The following XPR1 variants were observed in gnomAD, a reference collection of about 807,000 sequenced individuals.
XPR1 encodes xenotropic and polytropic retrovirus receptor 1.
A neutral mutation model predicts 87.5 loss-of-function variants in XPR1; 28 were observed. The ratio of observed to expected loss-of-function variants is 0.32; its 90% CI spans 0.24 to 0.44. XPR1 has a LOEUF of 0.44. Among genes scored for constraint, XPR1 ranks in the 20% least tolerant of loss-of-function variants. XPR1 has a pLI of 1.00. For missense variants in XPR1, 559 were observed against 862.3 expected, an observed-to-expected ratio of 0.65 and a Z score of 4.41; for synonymous variants, 300 against 306.1, an observed-to-expected ratio of 0.98 and a Z score of 0.21.
intron 6 of XPR1, among the ~76,000 whole-genome samples, chr1:180,810,071 T>C (rs1650151787): frequency 6.6e-6 from 1 of 152,168 alleles, no homozygotes; most frequent in South Asian, 2.1e-4. Flanking sequence ...AATATTTAAG[T>C]CTATAAGATT....
intron 1 of XPR1, among the ~76,000 whole-genome samples, chr1:180,652,224 G>A (rs768023599): frequency 9.9e-5 from 15 of 152,014 alleles, no homozygotes; most frequent in East Asian, 1.9e-4. Context: ...CCTGGGAGGC[G>A]GAGGTTGCAG....
chr1:180,857,535 C>T (rs937738360), intron 11 of XPR1, among the ~76,000 whole-genome samples: 1 of 152,092 alleles, frequency 6.6e-6, no homozygotes, highest in African/African-American at 2.4e-5. Flanking sequence ...ACTTGTTTAA[C>T]TCAAGTCCTT....
At chr1:180,808,129 G>C (rs1363226729) in intron 6 of XPR1, among the ~76,000 whole-genome samples, 1 of 152,204 alleles carries the variant, frequency 6.6e-6, no homozygotes, top group Non-Finnish European at 1.5e-5. Flanking sequence ...TGTGGTAATA[G>C]TGTCATGGTA....
At chr1:180,829,400 GAGA>G (rs1650975553) in intron 9 of XPR1, among the ~76,000 whole-genome samples, 1 of 152,168 alleles carries the variant, frequency 6.6e-6, no homozygotes, top group Non-Finnish European at 1.5e-5. Flanking sequence ...AGATTAAGAA[GAGA>G]AGGAGGAGTG....
rs369131367 is a variant in XPR1 at position 180,758,380 on chromosome 1, A to G, written c.122-29373A>G. 4.6e-5 allele frequency among the ~76,000 whole-genome samples: 7 copies of G among 152,228 alleles called. No individual in the cohort carries two copies. In the East Asian group the frequency reaches 1.2e-3, roughly 25 times the overall value. ...ATATGAAGGGAAAATAAATAATATA[A>G]AAGTATTTATTACCACTGAAGTATA... On this transcript the variant is annotated intron_variant, in intron 2 of 14. Transcript: ENST00000367590.
chr1:180,658,690 G>A (rs575022950), intron 1 of XPR1, among the ~76,000 whole-genome samples: 19 of 151,564 alleles, frequency 1.3e-4, no homozygotes, highest in Admixed American at 5.2e-4. Context: ...TCAGCCTCCC[G>A]AGAAGCTGGG....
chr1:180,714,677 T>C (rs1482525208), intron 2 of XPR1, among the ~76,000 whole-genome samples: 1 of 152,126 alleles, frequency 6.6e-6, no homozygotes, highest in African/African-American at 2.4e-5. Flanking sequence ...AGTGCTCAGA[T>C]TACAGGTGCG....
chr1:180,840,566 G>GTGTGTGTGTA (rs1258711178), intron 11 of XPR1, among the ~76,000 whole-genome samples: 90 of 136,388 alleles, frequency 6.6e-4, no homozygotes, highest in East Asian at 6.2e-3. Flanking sequence ...GTGTGTGTGT[G>GTGTGTGTGTA]TATATATATA....
intron 2 of XPR1, among the ~76,000 whole-genome samples, chr1:180,772,921 A>G (rs1162957268): frequency 7.2e-5 from 11 of 152,176 alleles, no homozygotes; most frequent in Non-Finnish European, 1.5e-5. Flanking sequence ...CTATTTGCAT[A>G]TATATTAACA....
chr1:180,729,562 CTT>C (rs1348859235), intron 2 of XPR1, among the ~76,000 whole-genome samples: 2 of 152,184 alleles, frequency 1.3e-5, no homozygotes, highest in African/African-American at 4.8e-5. Context: ...TCGCCAGCAT[CTT>C]TTATTTTTTG....
intron 2 of XPR1, among the ~76,000 whole-genome samples, chr1:180,710,224 G>A (rs1390184997): frequency 2.8e-5 from 4 of 144,382 alleles, no homozygotes; most frequent in East Asian, 2.0e-4. Flanking sequence ...TTTTTTAATT[G>A]ATCATTCTTG....
At chr1:180,710,909 G>C (rs1007736193) in intron 2 of XPR1, among the ~76,000 whole-genome samples, 3 of 152,016 alleles carry the variant, frequency 2.0e-5, no homozygotes, top group Non-Finnish European at 4.4e-5. Context: ...CGGCTGCCGG[G>C]CGGAGACGCT....
intron 11 of XPR1, among the ~76,000 whole-genome samples, chr1:180,853,791 G>GTTTTTTTTTTTTTTTTTTTTT (rs374408714): frequency 1.1e-4 from 12 of 109,396 alleles, no homozygotes; most frequent in Admixed American, 2.0e-4. Context: ...CATTCATGTG[G>GTTTTTTTTTTTTTTTTTTTTT]TTTTTTTTTT....
At chr1:180,791,210 T>C (rs1649365226) in intron 3 of XPR1, among the ~76,000 whole-genome samples, 1 of 152,250 alleles carries the variant, frequency 6.6e-6, no homozygotes, top group African/African-American at 2.4e-5. Flanking sequence ...TCACAAAGAA[T>C]AGAAAATGCT....
At chr1:180,764,788 CTTTT>C (rs60659660) in intron 2 of XPR1, among the ~76,000 whole-genome samples, 2 of 129,704 alleles carry the variant, frequency 1.5e-5, no homozygotes. Context: ...AATTTTTTTT[CTTTT>C]TTTTTTTTTT....
chr1:180,772,698 A>T (rs895772729), intron 2 of XPR1, among the ~76,000 whole-genome samples: 1 of 152,130 alleles, frequency 6.6e-6, no homozygotes, highest in African/African-American at 2.4e-5. Flanking sequence ...TAAAAAACAG[A>T]GTTTTTCTGC....
At chr1:180,823,173 A>G (rs943870258) in intron 7 of XPR1, among the ~76,000 whole-genome samples, 1 of 151,958 alleles carries the variant, frequency 6.6e-6, no homozygotes, top group Non-Finnish European at 1.5e-5. Flanking sequence ...CGCGGGAGGC[A>G]GAGGTTGCAG....
At chr1:180,648,351 A>G (rs1483047322) in intron 1 of XPR1, among the ~76,000 whole-genome samples, 2 of 152,188 alleles carry the variant, frequency 1.3e-5, no homozygotes, top group Non-Finnish European at 2.9e-5. Flanking sequence ...AGAGTCTCTC[A>G]TTTCTGAAAT....
At chr1:180,799,300 G>A (rs763033687) in intron 3 of XPR1, among the ~76,000 whole-genome samples, 5 of 152,134 alleles carry the variant, frequency 3.3e-5, no homozygotes, top group Non-Finnish European at 4.4e-5. Context: ...TCTACCCCTT[G>A]ATTCCTAGAC....
Sources: gnomAD v4.1 joint callset for allele counts (sites outside exome capture counted in the v4.1 genomes callset) on GRCh38, gnomAD v4.1.1 for gene constraint, MANE v1.5 for transcripts, NCBI Gene and HGNC (gene_info 2026-07-23, HGNC 2026-07-21) for gene names.